Variants in FABP7 observed in about 807,000 individuals in gnomAD.
The protein encoded by FABP7 is fatty acid-binding protein, brain.
FABP7 carries 13 observed loss-of-function variants against 14.2 expected under a neutral mutation model. The observed-to-expected ratio is 0.91, with a 90% CI of 0.59 to 1.45. FABP7 has a LOEUF of 1.45. Among genes scored for constraint, FABP7 ranks in the 40% most tolerant of loss-of-function variants. The probability of loss-of-function intolerance (pLI) is 0.00; values close to 1 mark genes in which losing one functional copy is unlikely to be tolerated. For missense variants in FABP7, 149 were observed against 157.6 expected, an observed-to-expected ratio of 0.95 and a Z score of 0.29; for synonymous variants, 49 against 51.4, an observed-to-expected ratio of 0.95 and a Z score of 0.20.
the FABP7 span, among the ~76,000 whole-genome samples, chr6:122,769,577 C>T: frequency 5.5e-4 from 83 of 152,124 alleles, no homozygotes; most frequent in South Asian, 1.5e-3. Context: ...TTCAGAAACA[C>T]CTTAACTTAC....
At chr6:122,753,781 C>CA in the FABP7 span, among the ~76,000 whole-genome samples, 1 of 53,928 alleles carries the variant, frequency 1.9e-5, no homozygotes, top group Non-Finnish European at 3.9e-5. Context: ...GGGTCCAAAT[C>CA]CCGCCCCCCC....
intron 3 of FABP7, chr6:122,782,756 A>C (rs570305995): frequency 1.9e-4 from 191 of 985,300 alleles, no homozygotes; most frequent in Non-Finnish European, 2.3e-4. Flanking sequence ...TACTGCAATC[A>C]GCACTGTTCT....
the FABP7 span, among the ~76,000 whole-genome samples, chr6:122,774,307 A>G: frequency 1.4e-5 from 2 of 141,080 alleles, no homozygotes; most frequent in Non-Finnish European, 3.0e-5. Flanking sequence ...GATTGCAGTG[A>G]GCCCAGATCA....
the FABP7 span, among the ~76,000 whole-genome samples, chr6:122,760,320 T>C: frequency 6.6e-6 from 1 of 152,142 alleles, no homozygotes; most frequent in African/African-American, 2.4e-5. Flanking sequence ...CCCAGTGAGG[T>C]TCATTGTCCT....
the FABP7 span, among the ~76,000 whole-genome samples, chr6:122,770,064 G>A: frequency 6.6e-6 from 1 of 151,788 alleles, no homozygotes; most frequent in African/African-American, 2.4e-5. Flanking sequence ...ATAATGTGTT[G>A]CACAGACTTA....
At chr6:122,782,671 T>C (rs914799231) in intron 3 of FABP7, 1 of 985,422 alleles carries the variant, frequency 1.0e-6, no homozygotes, top group Non-Finnish European at 1.2e-6. Context: ...ATGCTTTACA[T>C]AGTCCTTGTA....
At chr6:122,757,156 G>T in the FABP7 span, among the ~76,000 whole-genome samples, 1 of 152,006 alleles carries the variant, frequency 6.6e-6, no homozygotes. Context: ...AAAGTCTACC[G>T]TCTGATATCT....
At chr6:122,774,126 C>A in the FABP7 span, among the ~76,000 whole-genome samples, 1 of 151,914 alleles carries the variant, frequency 6.6e-6, no homozygotes, top group Non-Finnish European at 1.5e-5. Context: ...CTTTGGGAGG[C>A]CCAGGAGGGT....
chr6:122,752,257 A>G, the FABP7 span, among the ~76,000 whole-genome samples: 1 of 152,230 alleles, frequency 6.6e-6, no homozygotes, highest in Admixed American at 6.5e-5. Context: ...CTTCTCATTT[A>G]GATGTGTTCA....
the FABP7 span, among the ~76,000 whole-genome samples, chr6:122,757,688 T>C: frequency 1.1e-4 from 16 of 152,180 alleles, 2 homozygotes; most frequent in South Asian, 3.3e-3. Flanking sequence ...TTACTATATG[T>C]AGGTCTGCGC....
chr6:122,753,794 CGCCCA>C, the FABP7 span, among the ~76,000 whole-genome samples: 27 of 105,230 alleles, frequency 2.6e-4, no homozygotes, highest in East Asian at 3.4e-4. Flanking sequence ...GCCCCCCCCC[CGCCCA>C]CAGAAGTTTT....
chr6:122,774,786 G>A (rs112943004), upstream of FABP7, among the ~76,000 whole-genome samples: 88 of 145,092 alleles, frequency 6.1e-4, no homozygotes, highest in African/African-American at 2.1e-3. Context: ...AAAAAAAAAA[G>A]GTTAGAATTG....
At chr6:122,783,622 T>C in intron 3 of FABP7, 95 bp from the exon 4 acceptor site, 1 of 1,478,788 alleles carries the variant, frequency 6.8e-7, no homozygotes, top group South Asian at 1.5e-5. Flanking sequence ...TGTCATTCTT[T>C]TGCATAATAC....
chr6:122,757,686 T>A, the FABP7 span, among the ~76,000 whole-genome samples: 23 of 152,154 alleles, frequency 1.5e-4, no homozygotes, highest in African/African-American at 4.6e-4. Context: ...CGTTACTATA[T>A]GTAGGTCTGC....
chr6:122,759,289 G>T, the FABP7 span, among the ~76,000 whole-genome samples: 6 of 152,126 alleles, frequency 3.9e-5, no homozygotes, highest in African/African-American at 1.4e-4. Context: ...TAGGGTGTGT[G>T]TCAGCTATGC....
the FABP7 span, among the ~76,000 whole-genome samples, chr6:122,756,665 A>G: frequency 6.6e-6 from 1 of 152,130 alleles, no homozygotes; most frequent in African/African-American, 2.4e-5. Context: ...TCGATAATAC[A>G]TCCCGTTTGT....
At chr6:122,749,598 C>T in the FABP7 span, among the ~76,000 whole-genome samples, 2 of 152,006 alleles carry the variant, frequency 1.3e-5, no homozygotes, top group East Asian at 3.9e-4. Context: ...CAGGGAATCA[C>T]TTCATATATA....
intron 2 of FABP7, among the ~76,000 whole-genome samples, chr6:122,780,750 A>G (rs1780762260): frequency 6.6e-6 from 1 of 152,168 alleles, no homozygotes; most frequent in African/African-American, 2.4e-5. Context: ...TTTGAAAGAG[A>G]GATTGCATTT....
chr6:122,749,823 T>C, the FABP7 span, among the ~76,000 whole-genome samples: 94 of 152,366 alleles, frequency 6.2e-4, no homozygotes, highest in African/African-American at 2.0e-3. Flanking sequence ...TCTTGTATTA[T>C]AAAAGATCAT....
Sources: allele counts gnomAD v4.1 joint callset (sites outside exome capture counted in the v4.1 genomes callset), GRCh38; gene constraint gnomAD v4.1.1; transcripts MANE v1.5; gene names NCBI Gene and HGNC (gene_info 2026-07-23, HGNC 2026-07-21).